JAKMIP3: variants seen among roughly 807,000 people sequenced by gnomAD.
JAKMIP3 encodes Janus kinase and microtubule interacting protein 3.
JAKMIP3 carries 58 observed loss-of-function variants against 118.5 expected under a neutral mutation model. The ratio of observed to expected loss-of-function variants is 0.49; its 90% CI spans 0.40 to 0.61. The LOEUF is 0.61. Among genes scored for constraint, JAKMIP3 ranks in the 20% least tolerant of loss-of-function variants. The probability of loss-of-function intolerance (pLI) is 0.00; values close to 1 mark genes in which losing one functional copy is unlikely to be tolerated. For missense variants in JAKMIP3, 950 were observed against 1,109.0 expected (o/e 0.86, Z 2.04); for synonymous variants, 486 against 451.2 (o/e 1.08, Z -0.98).
At chr10:132,172,043 A>G (rs886827153) in intron 23 of JAKMIP3, among the ~76,000 whole-genome samples, 8 of 152,094 alleles carry the variant, frequency 5.3e-5, no homozygotes, top group Non-Finnish European at 1.0e-4. Flanking sequence ...CTCCTGGCAA[A>G]TGCTCCTTTC....
intron 1 of JAKMIP3, among the ~76,000 whole-genome samples, chr10:132,100,247 C>G (rs994212409): frequency 2.0e-5 from 3 of 152,200 alleles, no homozygotes; most frequent in Non-Finnish European, 4.4e-5. Context: ...TGGGTCTCCT[C>G]GAGCCAGGAA....
intron 1 of JAKMIP3, among the ~76,000 whole-genome samples, chr10:132,075,736 C>T (rs1346746750): frequency 1.3e-5 from 2 of 152,158 alleles, no homozygotes; most frequent in Admixed American, 1.3e-4. Context: ...AGGAAGCCTC[C>T]AGTGCCTTGT....
intron 23 of JAKMIP3, among the ~76,000 whole-genome samples, chr10:132,178,090 C>A (rs1164462361): frequency 6.6e-6 from 1 of 152,258 alleles, no homozygotes; most frequent in African/African-American, 2.4e-5. Flanking sequence ...CTGCCACCTG[C>A]ACCATCAAAG....
chr10:132,162,637 AAG>A (rs1040088844), intron 19 of JAKMIP3, among the ~76,000 whole-genome samples: 2 of 152,238 alleles, frequency 1.3e-5, no homozygotes, highest in African/African-American at 4.8e-5. Flanking sequence ...GTTGGGAAGA[AAG>A]AGCCTCTGTA....
At chr10:132,127,475 G>A (rs1021603191) in intron 3 of JAKMIP3, among the ~76,000 whole-genome samples, 2 of 151,508 alleles carry the variant, frequency 1.3e-5, no homozygotes, top group Non-Finnish European at 2.9e-5. Context: ...GGCTGGTCTC[G>A]AACTCCTGAC....
Position 132,168,737 on chromosome 10 carries a change from G to A in JAKMIP3, c.*807G>A, listed in dbSNP as rs2059184226. The A allele has an allele frequency of 1.5e-5, 4 of 270,136 alleles. No homozygotes were observed. Among genetic ancestry groups the A allele is most frequent in the South Asian group, 1.4e-4 (4 of 28,978 alleles). 16.7% of individuals were successfully genotyped at this position (270,136 alleles called of 1,614,324 possible). On this transcript the variant is annotated 3_prime_UTR_variant, in exon 23 of 24. Coordinates refer to ENST00000684848, the MANE Select transcript of JAKMIP3 (RefSeq NM_001323087.2). ...GGCGTGGGGAGCGTGGTGACAGGAG[G>A]TGGGACGAGGGGGCGGAGCTGGCTG...
At chr10:132,100,332 G>A (rs945399580) in intron 1 of JAKMIP3, among the ~76,000 whole-genome samples, 2 of 152,190 alleles carry the variant, frequency 1.3e-5, no homozygotes, top group African/African-American at 2.4e-5. Context: ...TGGACCTCCC[G>A]CATGGCTGAA....
At chr10:132,131,724 CTGTTTCAGCTTTGAACGTCCCG>C (rs2050660356) in intron 3 of JAKMIP3, among the ~76,000 whole-genome samples, 1 of 152,006 alleles carries the variant, frequency 6.6e-6, no homozygotes, top group African/African-American at 2.4e-5. Context: ...ACCAGGACGC[CTGTTTCAGCTTTGAACGTCCCG>C]TGTCCTGGGA....
intron 13 of JAKMIP3, among the ~76,000 whole-genome samples, chr10:132,147,418 T>C (rs1247523805): frequency 6.6e-6 from 1 of 152,210 alleles, no homozygotes. Context: ...TACTCGTAAC[T>C]GGTTCCGTTT....
rs954347026 is a variant in JAKMIP3 at position 132,118,334 on chromosome 10, C to T, written c.633+760C>T. Among the ~76,000 whole-genome samples the T allele has an allele frequency of 2.6e-4, 39 of 152,232 alleles. No homozygotes were observed. Among genetic ancestry groups the T allele is most frequent in the Admixed American group, 2.2e-3 (33 of 15,290 alleles). On this transcript the variant is annotated intron_variant, in intron 3 of 23. Transcript: ENST00000684848. This position sits in a 1 kb window ranked among gnomAD's most constrained non-coding sequence, Gnocchi z 4.8. ...GGGATTGCAAGGGACTGATTCCACC[C>T]GATGCCCCTTGTCCTTTGGAGAGGA... is the stretch of plus-strand genomic sequence containing the variant.
chr10:132,134,831 C>T (rs972579351), intron 4 of JAKMIP3, among the ~76,000 whole-genome samples: 5 of 152,240 alleles, frequency 3.3e-5, no homozygotes, highest in Non-Finnish European at 5.9e-5. Context: ...TCGCTCTGCC[C>T]GTCGGTTCTG....
chr10:132,140,410 T>G (rs2053255540), intron 9 of JAKMIP3, 41 bp from the exon 10 acceptor site: 1 of 1,610,988 alleles, frequency 6.2e-7, no homozygotes, highest in African/African-American at 1.3e-5. Context: ...CGGCTGTGCC[T>G]GGGTCTGGTT....
At chr10:132,124,789 TC>T (rs1427895493) in intron 3 of JAKMIP3, among the ~76,000 whole-genome samples, 5 of 152,228 alleles carry the variant, frequency 3.3e-5, no homozygotes, top group Non-Finnish European at 5.9e-5. Flanking sequence ...GTGTGGTAGG[TC>T]GGGCAGCTGC....
In JAKMIP3 at chr10:132,147,299, C is replaced by T. The variant is rs146484369; in HGVS notation, c.1750-653C>T. 8.5e-4 allele frequency among the ~76,000 whole-genome samples: 130 copies of T among 152,374 alleles called. 2 individuals are homozygous for T. Among genetic ancestry groups the T allele is most frequent in the African/African-American group, 3.1e-3 (128 of 41,598 alleles). The stretch of plus-strand genomic sequence containing the variant: ...GGAGCTCAGCTTCAGGGGATGGACA[C>T]AGCTGTCTGCCCCTGGTGGCCCCTG... On this transcript the variant is annotated intron_variant, in intron 13 of 23. Coordinates refer to ENST00000684848, the MANE Select transcript of JAKMIP3 (RefSeq NM_001323087.2).
intron 1 of JAKMIP3, among the ~76,000 whole-genome samples, chr10:132,103,986 T>G (rs1032099163): frequency 6.6e-6 from 1 of 152,242 alleles, no homozygotes; most frequent in South Asian, 2.1e-4. Context: ...GCATTTGTCC[T>G]TCTGTGACCG....
chr10:132,095,794 G>C (rs2043778488), intron 1 of JAKMIP3, among the ~76,000 whole-genome samples: 1 of 152,182 alleles, frequency 6.6e-6, no homozygotes, highest in South Asian at 2.1e-4. Flanking sequence ...GTGTTTTTGA[G>C]CTTTGTTCTG....
chr10:132,053,700 A>G (rs2038156489), intron 1 of JAKMIP3, among the ~76,000 whole-genome samples: 2 of 152,220 alleles, frequency 1.3e-5, no homozygotes, highest in South Asian at 2.1e-4. Context: ...CATGGTTTGA[A>G]GAGGGTTTGG....
At chr10:132,097,904 TCC>T (rs112574365) in intron 1 of JAKMIP3, among the ~76,000 whole-genome samples, 12 of 62,694 alleles carry the variant, frequency 1.9e-4, no homozygotes, top group African/African-American at 5.6e-4. Context: ...CCCTTCCCCT[TCC>T]CCTTCCCCTT....
At chr10:132,097,907 C>CT (rs2044150741) in intron 1 of JAKMIP3, among the ~76,000 whole-genome samples, 1 of 78,038 alleles carries the variant, frequency 1.3e-5, no homozygotes, top group Non-Finnish European at 2.9e-5. Context: ...TTCCCCTTCC[C>CT]CTTCCCCTTC....
Sources: allele counts gnomAD v4.1 joint callset (sites outside exome capture counted in the v4.1 genomes callset), GRCh38; gene constraint gnomAD v4.1.1; non-coding constraint Gnocchi (gnomAD v3.1); transcripts MANE v1.5; gene names NCBI Gene and HGNC (gene_info 2026-07-23, HGNC 2026-07-21).